The following CATSPERT variants were observed in gnomAD, a reference collection of about 807,000 sequenced individuals.
The protein encoded by CATSPERT is catsper channel auxiliary subunit tau, also known as cation channel sperm-associated targeting subunit tau.
chr2:201,545,094 G>A, the CATSPERT span, among the ~76,000 whole-genome samples: 27 of 152,182 alleles, frequency 1.8e-4, no homozygotes, highest in South Asian at 6.2e-4. Context: ...CTGGAGTGCC[G>A]TGGCAAGATC....
chr2:201,549,457 T>C, the CATSPERT span, among the ~76,000 whole-genome samples: 1 of 151,942 alleles, frequency 6.6e-6, no homozygotes, highest in Non-Finnish European at 1.5e-5. Context: ...TATTATACAA[T>C]CAAAAAGCCC....
chr2:201,496,106 A>G, the CATSPERT span: 1 of 488,100 alleles, frequency 2.0e-6, no homozygotes, highest in Non-Finnish European at 3.5e-6. Context: ...TACCTTGCCA[A>G]TTATGAAAGA....
the CATSPERT span, among the ~76,000 whole-genome samples, chr2:201,514,657 T>C: frequency 2.6e-5 from 4 of 152,236 alleles, no homozygotes; most frequent in Non-Finnish European, 4.4e-5. Context: ...TTGTCAAAAC[T>C]CATTGAACTG....
the CATSPERT span, among the ~76,000 whole-genome samples, chr2:201,529,687 G>A: frequency 6.6e-6 from 1 of 152,092 alleles, no homozygotes; most frequent in African/African-American, 2.4e-5. Context: ...CCACAATACT[G>A]GTCTATGCAA....
At chr2:201,607,816 A>G in the CATSPERT span, among the ~76,000 whole-genome samples, 4 of 152,336 alleles carry the variant, frequency 2.6e-5, no homozygotes, top group Admixed American at 2.0e-4. Flanking sequence ...ATTTGGAGAT[A>G]GGATTTTAAA....
At chr2:201,573,219 G>T in the CATSPERT span, among the ~76,000 whole-genome samples, 1 of 152,148 alleles carries the variant, frequency 6.6e-6, no homozygotes, top group Non-Finnish European at 1.5e-5. Flanking sequence ...TGAGAGAAAA[G>T]GATATAAGTT....
chr2:201,572,471 C>T, the CATSPERT span, among the ~76,000 whole-genome samples: 2 of 152,164 alleles, frequency 1.3e-5, no homozygotes, highest in Non-Finnish European at 2.9e-5. Context: ...TTATTTTGAA[C>T]TTTTATTATA....
At chr2:201,614,684 G>A in the CATSPERT span, among the ~76,000 whole-genome samples, 56 of 152,164 alleles carry the variant, frequency 3.7e-4, 1 homozygote, top group African/African-American at 1.2e-3. Context: ...ACATCATAAT[G>A]ACAGGATCAA....
chr2:201,575,907 T>C, the CATSPERT span, among the ~76,000 whole-genome samples: 4 of 152,134 alleles, frequency 2.6e-5, no homozygotes, highest in African/African-American at 9.7e-5. Flanking sequence ...GCCAAAAAGA[T>C]TGGGGACCAA....
At chr2:201,614,103 A>G in the CATSPERT span, among the ~76,000 whole-genome samples, 1 of 152,228 alleles carries the variant, frequency 6.6e-6, no homozygotes, top group Non-Finnish European at 1.5e-5. Flanking sequence ...TGAAAGTGAC[A>G]GAGAGAATGG....
chr2:201,552,718 T>C, the CATSPERT span: 1 of 152,190 alleles, frequency 6.6e-6, no homozygotes, highest in African/African-American at 2.4e-5. Context: ...TTGTTCAAGA[T>C]TTAACTCTAT....
At chr2:201,501,278 A>T in the CATSPERT span, among the ~76,000 whole-genome samples, 1 of 151,358 alleles carries the variant, frequency 6.6e-6, no homozygotes. Flanking sequence ...CATGCCTGTA[A>T]TCCTAGCTAC....
chr2:201,499,149 A>T, the CATSPERT span, among the ~76,000 whole-genome samples: 1 of 152,186 alleles, frequency 6.6e-6, no homozygotes, highest in Non-Finnish European at 1.5e-5. Context: ...GAAGTTTACC[A>T]TATATATGAG....
At chr2:201,493,636 C>T in the CATSPERT span, 1 of 1,537,300 alleles carries the variant, frequency 6.5e-7, no homozygotes, top group Non-Finnish European at 8.7e-7. Context: ...TGATGACAAA[C>T]TTCTCTTCCA....
the CATSPERT span, among the ~76,000 whole-genome samples, chr2:201,605,548 A>T: frequency 5.9e-5 from 9 of 151,680 alleles, no homozygotes; most frequent in Admixed American, 1.3e-4. Flanking sequence ...TCATCCATTT[A>T]AAAAAAAACT....
chr2:201,551,411 T>C, the CATSPERT span, among the ~76,000 whole-genome samples: 21 of 152,208 alleles, frequency 1.4e-4, no homozygotes, highest in Non-Finnish European at 2.6e-4. Context: ...CCATAAAATA[T>C]ACACAGATTT....
the CATSPERT span, among the ~76,000 whole-genome samples, chr2:201,523,102 G>C: frequency 6.6e-6 from 1 of 152,126 alleles, no homozygotes; most frequent in Non-Finnish European, 1.5e-5. Context: ...GCCAGCACAC[G>C]TGTGTGTGGA....
chr2:201,521,457 G>GAGAGAGAGAGAGAC, the CATSPERT span, among the ~76,000 whole-genome samples: 97 of 150,878 alleles, frequency 6.4e-4, 2 homozygotes, highest in South Asian at 5.5e-3. Flanking sequence ...GAGAGAAAGA[G>GAGAGAGAGAGAGAC]ACACACAGAG....
At chr2:201,491,198 GC>G in the CATSPERT span, 3 of 1,535,522 alleles carry the variant, frequency 2.0e-6, no homozygotes, top group Non-Finnish European at 2.6e-6. Flanking sequence ...GTCCAGTGAA[GC>G]AGTGTCCTTG....
Sources: gnomAD v4.1 joint callset for allele counts (sites outside exome capture counted in the v4.1 genomes callset) on GRCh38, gnomAD v4.1.1 for gene constraint, MANE v1.5 for transcripts, NCBI Gene and HGNC (gene_info 2026-07-23, HGNC 2026-07-21) for gene names.